EPHA6: variants seen among roughly 807,000 people sequenced by gnomAD.
The protein encoded by EPHA6 is EPH receptor A6, also known as ephrin type-A receptor 6.
A neutral mutation model predicts 112.0 loss-of-function variants in EPHA6; 50 were observed. The ratio of observed to expected loss-of-function variants is 0.45; its 90% CI spans 0.36 to 0.56. The LOEUF (loss-of-function observed/expected upper bound fraction) is 0.56. Among genes scored for constraint, EPHA6 ranks in the 20% least tolerant of loss-of-function variants. EPHA6 has a pLI of 0.00. For synonymous variants in EPHA6, 529 were observed against 490.7 expected (o/e 1.08, Z -1.03); for missense variants, 1,280 against 1,417.4 (o/e 0.90, Z 1.56).
intron 3 of EPHA6, among the ~76,000 whole-genome samples, chr3:96,998,808 T>C (rs2043520295): frequency 6.6e-6 from 1 of 151,888 alleles, no homozygotes; most frequent in African/African-American, 2.4e-5. Context: ...ATTTCTAGAA[T>C]TTTTATTAAA....
At chr3:97,309,286 C>T (rs1457503691) in intron 5 of EPHA6, among the ~76,000 whole-genome samples, 1 of 151,466 alleles carries the variant, frequency 6.6e-6, no homozygotes, top group African/African-American at 2.4e-5. Flanking sequence ...TTGGAAAGAA[C>T]ACTGGACAAT....
chr3:97,352,528 A>G (rs992570003), intron 5 of EPHA6, among the ~76,000 whole-genome samples: 1 of 152,178 alleles, frequency 6.6e-6, no homozygotes, highest in Admixed American at 6.5e-5. Flanking sequence ...ATTGGAACTC[A>G]GTGCTGCCTT....
intron 7 of EPHA6, among the ~76,000 whole-genome samples, chr3:97,473,762 C>A (rs2091294719): frequency 6.6e-6 from 1 of 151,648 alleles, no homozygotes; most frequent in Admixed American, 6.6e-5. Flanking sequence ...GATATCGGTG[C>A]TATTTTGAAG....
chr3:97,459,149 TAGAC>T (rs1306192018), intron 7 of EPHA6, among the ~76,000 whole-genome samples: 2 of 152,204 alleles, frequency 1.3e-5, no homozygotes, highest in African/African-American at 4.8e-5. Context: ...TTGCTCTTTT[TAGAC>T]AGAACAGTAT....
intron 3 of EPHA6, among the ~76,000 whole-genome samples, chr3:97,045,923 G>A (rs13327427): frequency 0.018 from 2,762 of 152,084 alleles, 71 homozygotes; most frequent in African/African-American, 0.052. Flanking sequence ...GAGAGTGTTG[G>A]AAGGTGGAAA....
intron 3 of EPHA6, among the ~76,000 whole-genome samples, chr3:97,112,586 A>C (rs950568818): frequency 6.6e-6 from 1 of 152,024 alleles, no homozygotes; most frequent in Non-Finnish European, 1.5e-5. Context: ...TCGATTTTGT[A>C]TGTGAAGTTT....
intron 5 of EPHA6, among the ~76,000 whole-genome samples, chr3:97,283,919 T>C (rs572296746): frequency 2.6e-5 from 4 of 152,178 alleles, no homozygotes; most frequent in Admixed American, 2.0e-4. Context: ...CAATTTTATT[T>C]ATCTCTGAAG....
intron 1 of EPHA6, among the ~76,000 whole-genome samples, chr3:96,858,697 A>C (rs1576162164): frequency 1.3e-5 from 2 of 152,246 alleles, no homozygotes; most frequent in Admixed American, 1.3e-4. Flanking sequence ...GATGTTGGTT[A>C]TCAGATAGTA....
At chr3:97,107,065 G>A (rs1033535140) in intron 3 of EPHA6, among the ~76,000 whole-genome samples, 2 of 151,990 alleles carry the variant, frequency 1.3e-5, no homozygotes, top group Admixed American at 6.6e-5. Flanking sequence ...GTATTTAAAG[G>A]TTGAATGAAT....
At chr3:97,355,975 G>A (rs1205797579) in intron 5 of EPHA6, among the ~76,000 whole-genome samples, 2 of 152,198 alleles carry the variant, frequency 1.3e-5, no homozygotes, top group Non-Finnish European at 2.9e-5. Flanking sequence ...AATTCAGCAA[G>A]AGGATGCAAC....
chr3:96,934,320 C>A (rs1005156767), intron 2 of EPHA6, among the ~76,000 whole-genome samples: 1 of 151,398 alleles, frequency 6.6e-6, no homozygotes. Flanking sequence ...AGAGTTTATT[C>A]TTTATGATCC....
At chr3:97,584,295 T>C (rs900250712) in intron 11 of EPHA6, among the ~76,000 whole-genome samples, 1 of 152,186 alleles carries the variant, frequency 6.6e-6, no homozygotes, top group South Asian at 2.1e-4. Flanking sequence ...TCATTCCTTA[T>C]GCTTAAGAGT....
chr3:97,426,444 G>C (rs1314853927), intron 6 of EPHA6, among the ~76,000 whole-genome samples: 1 of 152,132 alleles, frequency 6.6e-6, no homozygotes, highest in Non-Finnish European at 1.5e-5. Flanking sequence ...ATTTCCACCT[G>C]GCCCTGTCAT....
intron 13 of EPHA6, among the ~76,000 whole-genome samples, chr3:97,626,516 C>G (rs1366559118): frequency 6.6e-6 from 1 of 151,682 alleles, no homozygotes; most frequent in Non-Finnish European, 1.5e-5. Context: ...AGGGATCATT[C>G]AGGTAACAGA....
intron 11 of EPHA6, among the ~76,000 whole-genome samples, chr3:97,577,385 T>C (rs539789811): frequency 6.6e-6 from 1 of 152,246 alleles, no homozygotes; most frequent in East Asian, 1.9e-4. Flanking sequence ...GAAGATGAAA[T>C]TTTCTTTTAA....
At chr3:97,345,740 C>T (rs529199096) in intron 5 of EPHA6, among the ~76,000 whole-genome samples, 11 of 152,094 alleles carry the variant, frequency 7.2e-5, no homozygotes, top group Admixed American at 3.3e-4. Flanking sequence ...ATGGTATAAC[C>T]TTTACCCACA....
intron 1 of EPHA6, among the ~76,000 whole-genome samples, chr3:96,828,278 A>G (rs888367303): frequency 5.9e-5 from 9 of 152,162 alleles, no homozygotes; most frequent in Non-Finnish European, 1.3e-4. Flanking sequence ...CCCATCTGAT[A>G]CTAAAATGAG....
intron 10 of EPHA6, among the ~76,000 whole-genome samples, chr3:97,515,741 T>A (rs574095954): frequency 6.6e-6 from 1 of 152,276 alleles, no homozygotes; most frequent in East Asian, 1.9e-4. Flanking sequence ...GACTTCATGA[T>A]TTCAGGTGAA....
intron 14 of EPHA6, among the ~76,000 whole-genome samples, chr3:97,709,391 T>G (rs1168599195): frequency 6.6e-6 from 1 of 152,266 alleles, no homozygotes. Flanking sequence ...CCCTTTGTTT[T>G]GGCTAATTTC....
Sources: allele counts gnomAD v4.1 joint callset (sites outside exome capture counted in the v4.1 genomes callset), GRCh38; gene constraint gnomAD v4.1.1; transcripts MANE v1.5; gene names NCBI Gene and HGNC (gene_info 2026-07-23, HGNC 2026-07-21).